GRK5: variants seen among roughly 807,000 people sequenced by gnomAD.
GRK5 encodes the protein G protein-coupled receptor kinase 5.
Under a neutral mutation model 78.4 loss-of-function variants are expected in GRK5, and 40 were observed. The ratio of observed to expected loss-of-function variants is 0.51; its 90% CI spans 0.40 to 0.66. The LOEUF (loss-of-function observed/expected upper bound fraction) is 0.66. GRK5 is among the 30% of genes least tolerant of loss of function. The probability of loss-of-function intolerance (pLI) is 0.00; values close to 1 mark genes in which losing one functional copy is unlikely to be tolerated. For missense variants in GRK5, 598 were observed against 759.9 expected (o/e 0.79, Z 2.50); for synonymous variants, 289 against 296.8 (o/e 0.97, Z 0.27).
chr10:119,440,261 C>T lies in GRK5; in HGVS notation c.967+493C>T, dbSNP rs369743916. On this transcript the variant is annotated intron_variant, in intron 10 of 15. Coordinates refer to ENST00000392870, the MANE Select transcript of GRK5 (RefSeq NM_005308.3). ...TCAGTCTAGCCAGCTGTAAATGTCT[C>T]AGGCATTACGTTTGTGCATTACCAT... 2.2e-3 allele frequency among the ~76,000 whole-genome samples: 341 copies of T among 152,308 alleles called. 1 individual carries two copies. Among genetic ancestry groups the T allele is most frequent in the African/African-American group, 7.6e-3 (315 of 41,564 alleles).
intron 1 of GRK5, among the ~76,000 whole-genome samples, chr10:119,213,748 A>G (rs182011707): frequency 3.3e-5 from 5 of 152,272 alleles, no homozygotes; most frequent in Admixed American, 2.6e-4. Flanking sequence ...GAAAGTCCTT[A>G]CTTCCTGACT....
At chr10:119,426,008 G>A (rs1377555106) in intron 6 of GRK5, among the ~76,000 whole-genome samples, 1 of 152,228 alleles carries the variant, frequency 6.6e-6, no homozygotes, top group African/African-American at 2.4e-5. Context: ...TCCATGCCGG[G>A]CCGAGCTGGT....
chr10:119,370,246 C>T (rs568845886), intron 2 of GRK5, among the ~76,000 whole-genome samples: 2 of 152,340 alleles, frequency 1.3e-5, no homozygotes, highest in South Asian at 2.1e-4. Context: ...GTCCCCGCCA[C>T]ACTTCCCCTG....
At chr10:119,381,111 C>A (rs1158314468) in intron 3 of GRK5, among the ~76,000 whole-genome samples, 184 bp downstream of exon 3, 1 of 152,170 alleles carries the variant, frequency 6.6e-6, no homozygotes, top group African/African-American at 2.4e-5. Context: ...ACATGGGTGA[C>A]CTTGGGTGAC....
At chr10:119,414,258 A>G (rs1852401902) in intron 4 of GRK5, among the ~76,000 whole-genome samples, 1 of 152,264 alleles carries the variant, frequency 6.6e-6, no homozygotes, top group South Asian at 2.1e-4. Flanking sequence ...GTCTGGAGAT[A>G]GAGTGGACAG....
At chr10:119,224,923 T>C (rs1454919202) in intron 1 of GRK5, among the ~76,000 whole-genome samples, 2 of 152,332 alleles carry the variant, frequency 1.3e-5, no homozygotes, top group Non-Finnish European at 2.9e-5. Flanking sequence ...CAGGTGATCC[T>C]GGAGTCTCTT....
rs773711050 is a variant in GRK5 at position 119,443,741 on chromosome 10, A to C, written c.1255A>C (p.Ile419Leu). The change falls in exon 12 of 16, where the codon ATC becomes CTC. Residue 419 changes from isoleucine to leucine, a missense_variant. Coordinates refer to ENST00000392870, the MANE Select transcript of GRK5 (RefSeq NM_005308.3). ...CAAGTTCTCCGAGGAGGCCAAGTCC[A>C]TCTGCAAGATGGTGAGCTCCTGGTG... ...SHKFSEEAKS[I>L]CKMLLTKDAK... 1 of 1,599,410 alleles carries C rather than the reference A, an allele frequency of 6.3e-7. No homozygotes were observed. Among genetic ancestry groups the C allele is most frequent in the Non-Finnish European group, 8.6e-7 (1 of 1,169,294 alleles).
At chr10:119,224,665 T>A (rs1318935696) in intron 1 of GRK5, among the ~76,000 whole-genome samples, 2 of 152,146 alleles carry the variant, frequency 1.3e-5, no homozygotes, top group Non-Finnish European at 2.9e-5. Context: ...CCAACTGCCT[T>A]GGCCTTACAA....
At chr10:119,224,584 A>G in intron 1 of GRK5, among the ~76,000 whole-genome samples, 1 of 149,454 alleles carries the variant, frequency 6.7e-6, no homozygotes, top group South Asian at 2.1e-4. Flanking sequence ...TAACTTTTGC[A>G]TTTTTTTTTA....
At chr10:119,285,339 G>A (rs181706647) in intron 1 of GRK5, among the ~76,000 whole-genome samples, 8 of 152,276 alleles carry the variant, frequency 5.3e-5, no homozygotes, top group African/African-American at 1.9e-4. Context: ...TACAGTGGGA[G>A]GGTGGGTGGT....
At chr10:119,240,315 C>T (rs542705003) in intron 1 of GRK5, among the ~76,000 whole-genome samples, 5 of 150,968 alleles carry the variant, frequency 3.3e-5, no homozygotes, top group Non-Finnish European at 5.9e-5. Flanking sequence ...ATTCTCCTGC[C>T]TCAGCCTCCT....
intron 12 of GRK5, among the ~76,000 whole-genome samples, chr10:119,446,347 TGAG>T (rs1273137462): frequency 6.6e-6 from 1 of 152,164 alleles, no homozygotes; most frequent in South Asian, 2.1e-4. Flanking sequence ...GATTTAGAAA[TGAG>T]GAGATTTCAT....
intron 4 of GRK5, chr10:119,406,387 CT>C: frequency 7.9e-6 from 7 of 883,870 alleles, no homozygotes; most frequent in Non-Finnish European, 9.5e-6. Flanking sequence ...CCTGGTCCTG[CT>C]TAGAGTCTGC....
intron 2 of GRK5, among the ~76,000 whole-genome samples, chr10:119,327,512 G>A (rs932381859): frequency 1.3e-5 from 2 of 152,230 alleles, no homozygotes; most frequent in African/African-American, 2.4e-5. Context: ...GCACGGGGTG[G>A]TGCTGCCCAG....
intron 1 of GRK5, among the ~76,000 whole-genome samples, chr10:119,279,431 T>C (rs1216236666): frequency 2.0e-5 from 3 of 152,184 alleles, no homozygotes; most frequent in African/African-American, 7.2e-5. Context: ...CTTCCCCTTG[T>C]GCAGCTCAGC....
chr10:119,250,893 G>A (rs1019734406), intron 1 of GRK5, among the ~76,000 whole-genome samples: 3 of 152,138 alleles, frequency 2.0e-5, no homozygotes, highest in Non-Finnish European at 2.9e-5. Flanking sequence ...TAGATAACCC[G>A]TTGTTGGGTG....
rs147872726 is a variant in GRK5 at position 119,259,020 on chromosome 10, G to C, written c.52+51051G>C. The stretch of plus-strand genomic sequence containing the variant: ...GACAGGGCACTCTTCCCAGGTGATA[G>C]CGGTTCCTTCCATCCTCTTTCCATG... On this transcript the variant is annotated intron_variant, in intron 1 of 15. Coordinates refer to ENST00000392870, the MANE Select transcript of GRK5 (RefSeq NM_005308.3). 3.2e-4 allele frequency among the ~76,000 whole-genome samples: 48 copies of C among 152,022 alleles called. 1 individual carries two copies. In the East Asian group the frequency reaches 9.1e-3, roughly 29 times the overall value.
chr10:119,288,821 G>A (rs1284971607), intron 1 of GRK5, among the ~76,000 whole-genome samples: 1 of 152,176 alleles, frequency 6.6e-6, no homozygotes, highest in Non-Finnish European at 1.5e-5. Flanking sequence ...TCCCAGTGGC[G>A]GCTGGCTGGT....
At chr10:119,363,216 G>A (rs553058246) in intron 2 of GRK5, among the ~76,000 whole-genome samples, 71 of 152,072 alleles carry the variant, frequency 4.7e-4, no homozygotes, top group Non-Finnish European at 7.9e-4. Flanking sequence ...AGGAAGCAGA[G>A]GTTGCGGTGA....
Sources: gnomAD v4.1 joint callset for allele counts (sites outside exome capture counted in the v4.1 genomes callset) on GRCh38, gnomAD v4.1.1 for gene constraint, MANE v1.5 for transcripts, NCBI Gene and HGNC (gene_info 2026-07-23, HGNC 2026-07-21) for gene names.